TMCO6: variants seen among roughly 807,000 people sequenced by gnomAD.
TMCO6 encodes the protein transmembrane and coiled-coil domain-containing protein 6.
In TMCO6, 47 loss-of-function variants were observed where a neutral mutation model predicts 61.8. The observed-to-expected ratio is 0.76, with a 90% CI of 0.60 to 0.97. TMCO6 has a LOEUF of 0.97. Ranked by LOEUF, TMCO6 falls within the 50% of genes least tolerant of loss-of-function variation. The probability of loss-of-function intolerance (pLI) is 0.00; values close to 1 mark genes in which losing one functional copy is unlikely to be tolerated. For missense variants in TMCO6, 557 were observed against 601.6 expected (o/e 0.93, Z 0.78); for synonymous variants, 261 against 254.2 (o/e 1.03, Z -0.25).
At chr5:140,613,385 C>T in the TMCO6 span, among the ~76,000 whole-genome samples, 2 of 34,266 alleles carry the variant, frequency 5.8e-5, no homozygotes, top group East Asian at 1.3e-3. Flanking sequence ...GAGACTCTGA[C>T]TAAAAAAAAA....
chr5:140,621,368 G>A, the TMCO6 span, among the ~76,000 whole-genome samples: 3 of 152,268 alleles, frequency 2.0e-5, no homozygotes, highest in East Asian at 3.9e-4. Flanking sequence ...AATTTCTTAT[G>A]CCTGTCTTTA....
chr5:140,639,306 G>C (rs1335890879), upstream of TMCO6: 2 of 545,710 alleles, frequency 3.7e-6, no homozygotes, highest in East Asian at 3.3e-5. Flanking sequence ...GACGCCTCTG[G>C]CTCTGGTCTA....
At chr5:140,627,494 T>C in the TMCO6 span, among the ~76,000 whole-genome samples, 1 of 152,234 alleles carries the variant, frequency 6.6e-6, no homozygotes, top group Admixed American at 6.5e-5. Context: ...ATTTTTATTT[T>C]ACCAATAATC....
intron 2 of TMCO6, chr5:140,640,960 T>C (rs541419474): frequency 1.3e-5 from 2 of 153,906 alleles, no homozygotes; most frequent in East Asian, 3.9e-4. Flanking sequence ...TGTTGACATA[T>C]ATATTATCAA....
intron 4 of TMCO6, 60 bp from the exon 5 acceptor site, chr5:140,642,255 C>T (rs1757085826): frequency 6.7e-7 from 1 of 1,498,656 alleles, no homozygotes; most frequent in Middle Eastern, 1.7e-4. Flanking sequence ...CTCCCCATCT[C>T]CCCACACGCA....
chr5:140,639,687 G>T, intron 1 of TMCO6, 52 bp from the exon 2 acceptor site: 1 of 1,552,068 alleles, frequency 6.4e-7, no homozygotes, highest in Non-Finnish European at 8.7e-7. Flanking sequence ...GGAGCCGCGG[G>T]TTCTGGGTTG....
chr5:140,602,537 G>A, the TMCO6 span, among the ~76,000 whole-genome samples: 4 of 151,980 alleles, frequency 2.6e-5, no homozygotes, highest in Admixed American at 6.6e-5. Context: ...GCTGAGGCAC[G>A]TGGATCACTT....
At chr5:140,602,317 C>G in the TMCO6 span, among the ~76,000 whole-genome samples, 111 of 152,316 alleles carry the variant, frequency 7.3e-4, no homozygotes, top group Admixed American at 2.6e-3. Context: ...GACCTCACTG[C>G]TGTCCAGTCA....
At chr5:140,597,371 A>T in the TMCO6 span, among the ~76,000 whole-genome samples, 45,502 of 151,688 alleles carry the variant, frequency 0.3, 7,025 homozygotes, top group African/African-American at 0.32. Context: ...ATTATCATAT[A>T]CTATGACCAA....
chr5:140,641,275 AAAAG>A (rs1204384798), intron 2 of TMCO6: 2 of 166,348 alleles, frequency 1.2e-5, no homozygotes, highest in East Asian at 1.7e-4. Context: ...AAAAAAAAGA[AAAAG>A]AAAAAGCTCA....
the TMCO6 span, among the ~76,000 whole-genome samples, chr5:140,610,529 T>A: frequency 6.6e-6 from 1 of 152,218 alleles, no homozygotes; most frequent in East Asian, 1.9e-4. Flanking sequence ...ATTTTCAGAA[T>A]GTGCATTCTA....
intron 2 of TMCO6, 29 bp from the exon 3 acceptor site, chr5:140,641,636 T>A: frequency 6.2e-7 from 1 of 1,600,258 alleles, no homozygotes; most frequent in East Asian, 2.2e-5. Context: ...GTGAACCGTG[T>A]GTTCTCCTTT....
the TMCO6 span, among the ~76,000 whole-genome samples, chr5:140,608,112 A>G: frequency 0.042 from 6,439 of 152,058 alleles, 215 homozygotes; most frequent in Non-Finnish European, 0.061. Context: ...TTTGGTTTGC[A>G]TTACCTTAAT....
At chr5:140,623,935 C>A in the TMCO6 span, among the ~76,000 whole-genome samples, 6 of 152,090 alleles carry the variant, frequency 3.9e-5, no homozygotes, top group African/African-American at 1.4e-4. Flanking sequence ...GCTCTGTCTT[C>A]AAAAAATGCG....
rs148883294 is a variant in TMCO6 at position 140,641,668 on chromosome 5, C to G, written c.202C>G (p.Gln68Glu). 78 of 1,613,680 alleles carry G rather than the reference C, an allele frequency of 4.8e-5. No individual in the cohort carries two copies. The Admixed American group carries it at 1.3e-3, about 27-fold the overall frequency. Residue 68 changes from glutamine to glutamate, a missense_variant, in exon 3 of 12, where the codon CAG (glutamine) becomes GAG (glutamate). By Grantham distance (29) the Gln-to-Glu change is conservative. Coordinates refer to ENST00000394671, the MANE Select transcript of TMCO6 (RefSeq NM_018502.5). ...VAAILGETEV[Q>E]QFLRQAQRGT... Reference sequence around the variant, plus strand: ...CTTTCCCTGCCCTGAACTCCAGGTGCAGCAGTTCCTGCGGCAAGCCCAGCG... The same window carrying G: ...CTTTCCCTGCCCTGAACTCCAGGTGGAGCAGTTCCTGCGGCAAGCCCAGCG...
At chr5:140,645,847 C>T, downstream of TMCO6, 1 of 1,223,586 alleles carries the variant, frequency 8.2e-7, no homozygotes, top group Non-Finnish European at 1.2e-6. Context: ...AGGTCTCAAA[C>T]ACATCTAGGA....
Position 140,644,135 on chromosome 5 carries a change from C to T in TMCO6, c.1141C>T (p.Leu381=). 6.2e-7 allele frequency: 1 copy of T among 1,614,214 alleles called. No individual in the cohort carries two copies. The highest frequency in any genetic ancestry group is 1.1e-5 in the South Asian group (1 of 91,090). The change falls in exon 10 of 12, where the codon CTG becomes TTG. Residue 381 remains leucine, a synonymous_variant. Transcript: ENST00000394671. The stretch of plus-strand genomic sequence containing the variant: ...TAGTTTCTGTACCTCCTTGCTCTCC[C>T]TGGATCTGATTGAGCCTCTCTTACA... ...SPSFCTSLLS[L]DLIEPLLQLL...
At chr5:140,600,675 G>A in the TMCO6 span, among the ~76,000 whole-genome samples, 529 of 152,170 alleles carry the variant, frequency 3.5e-3, 2 homozygotes, top group Middle Eastern at 0.014. Flanking sequence ...ATTTTGGCCA[G>A]CCTGGTCTCA....
downstream of TMCO6, chr5:140,647,289 A>C: frequency 6.4e-7 from 1 of 1,571,252 alleles, no homozygotes; most frequent in Non-Finnish European, 8.6e-7. Flanking sequence ...TGCACATCGG[A>C]GCATTCGCGG....
Sources: gnomAD v4.1 joint callset for allele counts (sites outside exome capture counted in the v4.1 genomes callset) on GRCh38, gnomAD v4.1.1 for gene constraint, MANE v1.5 for transcripts, NCBI Gene and HGNC (gene_info 2026-07-23, HGNC 2026-07-21) for gene names.